The following UGT2A1 variants were observed in gnomAD, a reference collection of about 807,000 sequenced individuals.
UGT2A1 encodes UDP-glucuronosyltransferase 2A1.
UGT2A1 carries 61 observed loss-of-function variants against 45.4 expected under a neutral mutation model. That is an observed-to-expected ratio of 1.34 (90% CI 1.09 to 1.66). The LOEUF (loss-of-function observed/expected upper bound fraction) is 1.66. Among genes scored for constraint, UGT2A1 ranks in the 40% most tolerant of loss-of-function variants. The pLI is 0.00. For synonymous variants in UGT2A1, 229 were observed against 196.2 expected (o/e 1.17, Z -1.40); for missense variants, 649 against 574.3 (o/e 1.13, Z -1.33).
chr4:69,648,517 C>CT (rs148060605), intron 1 of UGT2A1, among the ~76,000 whole-genome samples: 54 of 151,992 alleles, frequency 3.6e-4, no homozygotes, highest in African/African-American at 1.3e-3. Flanking sequence ...TTATTAAGTC[C>CT]TTGTTATGTC....
chr4:69,615,071 A>G lies in UGT2A1; in HGVS notation c.848-15677T>C, dbSNP rs542996933. The stretch of plus-strand genomic sequence containing the variant: ...AGCAAGTGGAAAACCAGACCTCATG[A>G]TCCAATCACCTTTCAACAGATCCCT... On this transcript the variant is annotated intron_variant, in intron 3 of 6. Transcript: ENST00000286604. Among the ~76,000 whole-genome samples the G allele has an allele frequency of 2.6e-5, 4 of 152,100 alleles. No homozygotes were observed. The South Asian group carries it at 8.3e-4, about 32-fold the overall frequency.
chr4:69,649,864 C>CACATG (rs781285052), intron 1 of UGT2A1, among the ~76,000 whole-genome samples: 41 of 152,166 alleles, frequency 2.7e-4, no homozygotes, highest in Middle Eastern at 3.4e-3. Flanking sequence ...CATCTCCTGA[C>CACATG]ACATGCGCAG....
At chr4:69,646,263 AT>A (rs912327836) in intron 2 of UGT2A1, among the ~76,000 whole-genome samples, 37 of 151,828 alleles carry the variant, frequency 2.4e-4, no homozygotes, top group African/African-American at 8.9e-4. Context: ...GGCCTGTTTG[AT>A]TTTTAGACAA....
At chr4:69,652,651 T>TTAAAG (rs1336602463) in intron 1 of UGT2A1, among the ~76,000 whole-genome samples, 1 of 152,054 alleles carries the variant, frequency 6.6e-6, no homozygotes, top group African/African-American at 2.4e-5. Context: ...TGACTTATAT[T>TTAAAG]TAAAGTAAAT....
At chr4:69,627,047 G>T (rs926012867) in intron 3 of UGT2A1, among the ~76,000 whole-genome samples, 4 of 151,800 alleles carry the variant, frequency 2.6e-5, no homozygotes, top group African/African-American at 9.7e-5. Context: ...AACTCAAGAT[G>T]TATATTATAG....
At chr4:69,629,299 C>T (rs374217896) in intron 3 of UGT2A1, among the ~76,000 whole-genome samples, 4 of 152,004 alleles carry the variant, frequency 2.6e-5, no homozygotes, top group African/African-American at 4.8e-5. Context: ...AAAGTGTTTA[C>T]TTTGCAGGTC....
rs543203240 is a variant in UGT2A1, at chr4:69,642,553, A to G, written c.715+4377T>C. Among the ~76,000 whole-genome samples the G allele has an allele frequency of 6.6e-5, 10 of 151,862 alleles. No individual in the cohort carries two copies. The South Asian group carries it at 2.1e-3, about 32-fold the overall frequency. ...ACTACTGAAAATCAAGAATCATGGA[A>G]GGATATACACTTGAATGTGTTTCAT... On this transcript the variant is annotated intron_variant, in intron 2 of 6. Transcript: ENST00000286604.
intron 3 of UGT2A1, among the ~76,000 whole-genome samples, chr4:69,605,852 A>T (rs1719575719): frequency 2.2e-5 from 3 of 136,982 alleles, no homozygotes; most frequent in African/African-American, 3.0e-5. Context: ...TGACACGTAC[A>T]CCCTCCCAAG....
At chr4:69,600,496 C>T (rs1560470647) in intron 3 of UGT2A1, among the ~76,000 whole-genome samples, 1 of 152,140 alleles carries the variant, frequency 6.6e-6, no homozygotes, top group Non-Finnish European at 1.5e-5. Flanking sequence ...TGTGCTATGG[C>T]CACAGGCACA....
At chr4:69,608,839 G>A (rs1719847453) in intron 3 of UGT2A1, among the ~76,000 whole-genome samples, 2 of 151,928 alleles carry the variant, frequency 1.3e-5, no homozygotes, top group African/African-American at 4.8e-5. Flanking sequence ...GGGACCACAG[G>A]CACATGCCAC....
Position 69,599,328 on chromosome 4 carries a change from T to C in UGT2A1, c.914A>G (p.Asp305Gly). The change falls in exon 4 of 7, where the codon GAT becomes GGT. Residue 305 changes from aspartate (D) to glycine (G), a missense_variant. By Grantham distance (94) the Asp-to-Gly change is moderately conservative (BLOSUM62 -1). Coordinates refer to ENST00000286604, the MANE Select transcript of UGT2A1 (RefSeq NM_001252275.3). ...TAAGTATGGACGAGGAAATTCAAAA[T>C]CCCAATATGTTCGGATTAACCAAAT... is the stretch of plus-strand genomic sequence containing the variant. The part of the protein sequence containing the change: ...AEIWLIRTYW[D>G]FEFPRPYLPN... 1 of 1,613,798 alleles carries C rather than the reference T, an allele frequency of 6.2e-7. No individual in the cohort carries two copies. The highest frequency in any genetic ancestry group is 2.2e-5 in the East Asian group (1 of 44,824).
At chr4:69,604,190 G>A (rs10004306) in intron 3 of UGT2A1, among the ~76,000 whole-genome samples, 34,824 of 135,292 alleles carry the variant, frequency 0.26, 9,789 homozygotes, top group East Asian at 0.68. Flanking sequence ...ACCCACAAAG[G>A]GAAGCCCATC....
At chr4:69,642,213 C>T (rs772630409) in intron 2 of UGT2A1, among the ~76,000 whole-genome samples, 6 of 151,686 alleles carry the variant, frequency 4.0e-5, no homozygotes, top group Admixed American at 6.6e-5. Flanking sequence ...TGAGTGGGAG[C>T]GAAAAAGATA....
intron 2 of UGT2A1, chr4:69,639,059 T>A: frequency 6.2e-7 from 1 of 1,613,452 alleles, no homozygotes; most frequent in Non-Finnish European, 8.5e-7. Context: ...GTGCTGGGAT[T>A]TTCCCACAGT....
rs539436729 is a variant in UGT2A1, at chr4:69,589,290, C to T, written c.*82G>A. The T allele has an allele frequency of 8.0e-4, 1,125 of 1,411,828 alleles. 21 individuals carry two copies. The South Asian group carries it at 0.018, about 23-fold the overall frequency. The allele number at this position is 1,411,828 out of a possible 1,614,324, so 87.5% of individuals were successfully genotyped here. A position where few individuals can be genotyped will look rare whatever the true frequency, so the allele number is the denominator to read the frequency against. ...ATGGGAGACGTGTTTTTGTTAAACT[C>T]CTTTTGTCTGGAATTAATAGGACTA... On this transcript the variant is annotated 3_prime_UTR_variant, in exon 7 of 7. Transcript: ENST00000286604.
chr4:69,604,909 A>G (rs111849594), intron 3 of UGT2A1, among the ~76,000 whole-genome samples: 1 of 136,840 alleles, frequency 7.3e-6, no homozygotes, highest in Non-Finnish European at 1.6e-5. Flanking sequence ...AGGAGCACCC[A>G]GATTCATAAA....
At position 69,636,278 on chromosome 4, in the gene UGT2A1, C is replaced by T. The variant is rs141444205; in HGVS notation, c.716-456G>A. ...GCTCTCCTGCGGTCAAACATAATTA[C>T]GTAAAATTGTGTATCTGCCCTCTTT... is the stretch of plus-strand genomic sequence containing the variant. On this transcript the variant is annotated intron_variant, in intron 2 of 6. Transcript: ENST00000286604. Among the ~76,000 whole-genome samples, 97 of 152,214 alleles carry T rather than the reference C, an allele frequency of 6.4e-4. 1 individual carries two copies. The East Asian group carries it at 6.4e-3, about 10-fold the overall frequency.
intron 2 of UGT2A1, chr4:69,638,803 C>T: frequency 7.2e-7 from 1 of 1,396,608 alleles, no homozygotes. Flanking sequence ...TTATCTTCAG[C>T]TCAGCATATG....
intron 6 of UGT2A1, among the ~76,000 whole-genome samples, chr4:69,590,085 C>G (rs1006665857): frequency 2.0e-5 from 3 of 152,126 alleles, no homozygotes; most frequent in African/African-American, 7.2e-5. Flanking sequence ...AATTGGCAGT[C>G]AGCATTAGTG....
Sources: gnomAD v4.1 joint callset for allele counts (sites outside exome capture counted in the v4.1 genomes callset) on GRCh38, gnomAD v4.1.1 for gene constraint, MANE v1.5 for transcripts, NCBI Gene and HGNC (gene_info 2026-07-23, HGNC 2026-07-21) for gene names.